Variants in ASB7 observed in about 807,000 individuals in gnomAD.
ASB7 encodes the protein ankyrin repeat and SOCS box containing 7.
Under a neutral mutation model 32.5 loss-of-function variants are expected in ASB7, and 4 were observed. The observed-to-expected ratio is 0.12, with a 90% confidence interval of 0.06 to 0.28. ASB7 has a LOEUF of 0.28. Ranked by LOEUF, ASB7 falls within the 10% of genes least tolerant of loss-of-function variation. The pLI is 1.00. For missense variants in ASB7, 181 were observed against 407.1 expected (o/e 0.44, Z 4.78); for synonymous variants, 172 against 155.6 (o/e 1.11, Z -0.78).
rs1429581645 is a variant in ASB7, at chr15:100,648,953, A to G, written c.*491A>G. The G allele has an allele frequency of 6.5e-6, 1 of 152,720 alleles. No homozygotes were observed. Among genetic ancestry groups the G allele is most frequent in the Non-Finnish European group, 1.5e-5 (1 of 68,090 alleles). 9.5% of individuals were successfully genotyped at this position (152,720 alleles called of 1,614,324 possible). A position where few individuals can be genotyped will look rare whatever the true frequency, so the allele number is the denominator to read the frequency against. On this transcript the variant is annotated 3_prime_UTR_variant, in exon 6 of 6. Coordinates refer to ENST00000332783, the MANE Select transcript of ASB7 (RefSeq NM_198243.3). ...GCTGTCACCTCATTCATTTTTAATG[A>G]GTACAAACTGGCCGTTTCAAACTGT...
rs968919789 is a variant in ASB7, at chr15:100,651,443, A to G, written c.*2981A>G. The G allele has an allele frequency of 3.3e-5, 5 of 152,210 alleles. No individual in the cohort carries two copies. Among genetic ancestry groups the G allele is most frequent in the African/African-American group, 1.2e-4 (5 of 41,454 alleles). 9.4% of individuals were successfully genotyped at this position (152,210 alleles called of 1,614,324 possible). A position where few individuals can be genotyped will look rare whatever the true frequency, so the allele number is the denominator to read the frequency against. ...CATCTGGAGCATGAGGGACTCTAGC[A>G]TGACTCGTCAGATGCACACCCCAAG... On this transcript the variant is annotated 3_prime_UTR_variant, in exon 6 of 6. Coordinates refer to ENST00000332783, the MANE Select transcript of ASB7 (RefSeq NM_198243.3).
In ASB7 at chr15:100,612,387, A is replaced by G. The variant is rs1298810892; in HGVS notation, c.171A>G (p.Arg57=). The G allele has an allele frequency of 6.2e-7, 1 of 1,614,038 alleles. No individual in the cohort carries two copies. The highest frequency in any genetic ancestry group is 8.5e-7 in the Non-Finnish European group (1 of 1,179,968). ...CTCTGCTTCATTTCTCTGCAGCAAG[A>G]GGAAAGGAAAGATGTGTTCGGGTTT... ...GWTLLHFSAA[R]GKERCVRVFL... is the part of the protein sequence containing the mutation. Residue 57 remains arginine (R), a synonymous_variant, in exon 4 of 6, where the codon AGA becomes AGG. Transcript: ENST00000332783.
At chr15:100,609,327 T>G (rs1322398685) in intron 2 of ASB7, among the ~76,000 whole-genome samples, 2 of 152,236 alleles carry the variant, frequency 1.3e-5, no homozygotes, top group Non-Finnish European at 2.9e-5. Context: ...AAGTCCTGTT[T>G]AGAAAGTGCA....
At chr15:100,643,968 C>T (rs1011640311) in intron 5 of ASB7, among the ~76,000 whole-genome samples, 6 of 152,022 alleles carry the variant, frequency 3.9e-5, no homozygotes, top group Non-Finnish European at 5.9e-5. Context: ...TTAAAAAGGG[C>T]CTGGCATGGC....
intron 5 of ASB7, among the ~76,000 whole-genome samples, chr15:100,641,858 T>G (rs2039963740): frequency 6.6e-6 from 1 of 152,226 alleles, no homozygotes; most frequent in African/African-American, 2.4e-5. Context: ...ATTAACTTGT[T>G]TAATGCTTGT....
chr15:100,603,599 T>TGA (rs2039595815), intron 2 of ASB7, among the ~76,000 whole-genome samples: 1 of 152,212 alleles, frequency 6.6e-6, no homozygotes, highest in Non-Finnish European at 1.5e-5. Flanking sequence ...TCTGAGGCTT[T>TGA]GAGACCTTTT....
At position 100,604,409 on chromosome 15, in the gene ASB7, A is replaced by G. The variant is rs998474556; in HGVS notation, c.-174+1096A>G. ...AGCAAAAGTATAAAGTGACTTGTTA[A>G]TCTGAGTTATTTTAATATCCCAAAT... On this transcript the variant is annotated intron_variant, in intron 2 of 5. Transcript: ENST00000332783. 8.5e-5 allele frequency among the ~76,000 whole-genome samples: 13 copies of G among 152,322 alleles called. No individual in the cohort carries two copies. In the South Asian group the frequency reaches 2.5e-3, roughly 29 times the overall value.
Position 100,651,625 on chromosome 15 carries a change from T to C in ASB7, c.*3163T>C, listed in dbSNP as rs1056885607. The C allele has an allele frequency of 1.3e-5, 2 of 152,242 alleles. No homozygotes were observed. Among genetic ancestry groups the C allele is most frequent in the African/African-American group, 4.8e-5 (2 of 41,466 alleles). The allele number at this position is 152,242 out of a possible 1,614,324, so 9.4% of individuals were successfully genotyped here. Reference sequence around the variant, plus strand: ...TAACTCCTAGTGTGTTATATCATAATGTATTTTGTTCTTCCTTTTTAATGT... The same window carrying C: ...TAACTCCTAGTGTGTTATATCATAACGTATTTTGTTCTTCCTTTTTAATGT... On this transcript the variant is annotated 3_prime_UTR_variant, in exon 6 of 6. Coordinates refer to ENST00000332783, the MANE Select transcript of ASB7 (RefSeq NM_198243.3).
intron 4 of ASB7, among the ~76,000 whole-genome samples, chr15:100,618,381 C>G (rs1216440914): frequency 6.6e-6 from 1 of 152,100 alleles, no homozygotes; most frequent in Non-Finnish European, 1.5e-5. Context: ...TCCCAAAGTG[C>G]TGGAATTACA....
Position 100,629,268 on chromosome 15 carries a change from A to C in ASB7, c.212-169A>C, listed in dbSNP as rs1303950517. On this transcript the variant is annotated intron_variant, in intron 4 of 5. Coordinates refer to ENST00000332783, the MANE Select transcript of ASB7 (RefSeq NM_198243.3). This position sits in a 1 kb window ranked among gnomAD's most constrained non-coding sequence, Gnocchi z 6.8. Reference sequence around the variant, plus strand: ...TAACATTCTACAAAATTTATTTTCCATTAAAACCAGACTTGAATTAAACTG... The same window carrying C: ...TAACATTCTACAAAATTTATTTTCCCTTAAAACCAGACTTGAATTAAACTG... Among the ~76,000 whole-genome samples, 1 of 152,218 alleles carries C rather than the reference A, an allele frequency of 6.6e-6. No individual in the cohort carries two copies. Among genetic ancestry groups the C allele is most frequent in the Admixed American group, 6.5e-5 (1 of 15,282 alleles).
At chr15:100,641,799 T>C (rs1393862401) in intron 5 of ASB7, among the ~76,000 whole-genome samples, 1 of 152,256 alleles carries the variant, frequency 6.6e-6, no homozygotes, top group Non-Finnish European at 1.5e-5. Context: ...AAAATGTATT[T>C]ACCTGGTACT....
intron 5 of ASB7, among the ~76,000 whole-genome samples, chr15:100,643,780 A>G (rs1288101443): frequency 6.6e-6 from 1 of 151,396 alleles, no homozygotes; most frequent in African/African-American, 2.4e-5. Context: ...GACATGATGC[A>G]CCGCGCCCAG....
chr15:100,617,491 T>G (rs2039753881), intron 4 of ASB7, among the ~76,000 whole-genome samples: 1 of 152,128 alleles, frequency 6.6e-6, no homozygotes, highest in Non-Finnish European at 1.5e-5. Context: ...CCCCATCACC[T>G]TGCTCTGCCT....
chr15:100,626,337 A>G (rs2039836846), intron 4 of ASB7, among the ~76,000 whole-genome samples: 2 of 152,214 alleles, frequency 1.3e-5, no homozygotes, highest in African/African-American at 4.8e-5. Flanking sequence ...GACAATTCAC[A>G]AAACAGTATA....
rs142264400 is a variant in ASB7, at chr15:100,641,835, G to A, written c.818-6488G>A. ...TAGTATGTGCTTGGCACTATTGTAAGCACTTTTCCAAAATTAACTTGTTTA... is the reference window on the plus strand; with the variant it reads ...TAGTATGTGCTTGGCACTATTGTAAACACTTTTCCAAAATTAACTTGTTTA... On this transcript the variant is annotated intron_variant, in intron 5 of 5. Coordinates refer to ENST00000332783, the MANE Select transcript of ASB7 (RefSeq NM_198243.3). 2.1e-3 allele frequency among the ~76,000 whole-genome samples: 325 copies of A among 152,320 alleles called. 1 individual carries two copies. Among genetic ancestry groups the A allele is most frequent in the Middle Eastern group, 0.01 (3 of 294 alleles).
At chr15:100,608,787 G>C (rs772955948) in intron 2 of ASB7, among the ~76,000 whole-genome samples, 1 of 152,200 alleles carries the variant, frequency 6.6e-6, no homozygotes, top group Non-Finnish European at 1.5e-5. Flanking sequence ...GTTTGTCAAG[G>C]AAAAGTAGAT....
intron 4 of ASB7, among the ~76,000 whole-genome samples, chr15:100,618,516 A>C (rs1030707268): frequency 1.3e-5 from 2 of 152,228 alleles, no homozygotes; most frequent in Non-Finnish European, 2.9e-5. Flanking sequence ...AAATGAAGTC[A>C]AAGATCCCAA....
intron 2 of ASB7, among the ~76,000 whole-genome samples, chr15:100,606,913 G>T (rs1233719724): frequency 6.6e-6 from 1 of 152,090 alleles, no homozygotes; most frequent in East Asian, 1.9e-4. Flanking sequence ...CTAGCACTTT[G>T]GGAGGCCGAG....
At chr15:100,609,299 G>C (rs1177592106) in intron 2 of ASB7, among the ~76,000 whole-genome samples, 1 of 152,148 alleles carries the variant, frequency 6.6e-6, no homozygotes, top group Admixed American at 6.5e-5. Context: ...TATATTTCAT[G>C]CACACGTATT....
Sources: allele counts gnomAD v4.1 joint callset (sites outside exome capture counted in the v4.1 genomes callset), GRCh38; gene constraint gnomAD v4.1.1; non-coding constraint Gnocchi (gnomAD v3.1); transcripts MANE v1.5; gene names NCBI Gene and HGNC (gene_info 2026-07-23, HGNC 2026-07-21).